The following KANSL1 variants were observed in gnomAD, a reference collection of about 807,000 sequenced individuals.
The protein encoded by KANSL1 is KAT8 regulatory NSL complex subunit 1, also known as MLL1/MLL complex subunit KANSL1.
Under a neutral mutation model 103.6 loss-of-function variants are expected in KANSL1, and 22 were observed. The observed-to-expected ratio is 0.21, with a 90% CI of 0.15 to 0.30. KANSL1 has a LOEUF of 0.30. Among genes scored for constraint, KANSL1 ranks in the 10% least tolerant of loss-of-function variants. The pLI is 1.00. For missense variants in KANSL1, 1,337 were observed against 1,399.8 expected (o/e 0.96, Z 0.72); for synonymous variants, 600 against 527.6 (o/e 1.14, Z -1.88).
chr17:46,169,979 A>G (rs938607741), intron 2 of KANSL1, among the ~76,000 whole-genome samples: 1 of 152,212 alleles, frequency 6.6e-6, no homozygotes. Context: ...TAAGAAAAGA[A>G]AAAAGAAAAA....
intron 1 of KANSL1, among the ~76,000 whole-genome samples, chr17:46,208,755 C>T (rs1466326432): frequency 6.6e-6 from 1 of 151,354 alleles, no homozygotes; most frequent in Admixed American, 6.6e-5. Flanking sequence ...CTCAGCCCAC[C>T]GGAGACAGAG....
chr17:46,196,223 G>A, upstream of KANSL1: 1 of 431,464 alleles, frequency 2.3e-6, no homozygotes, highest in Non-Finnish European at 4.6e-6. Flanking sequence ...GGGCAACAGA[G>A]CGAGACCATC....
chr17:46,179,529 C>T (rs1437603169), intron 1 of KANSL1, among the ~76,000 whole-genome samples: 1 of 152,230 alleles, frequency 6.6e-6, no homozygotes, highest in African/African-American at 2.4e-5. Context: ...GTGGCTTCTA[C>T]TAACCTCTTC....
In KANSL1 at chr17:46,109,715, A is replaced by G. The variant is rs573426347; in HGVS notation, c.1290-15014T>C. 2.6e-5 allele frequency among the ~76,000 whole-genome samples: 4 copies of G among 152,386 alleles called. No individual in the cohort carries two copies. The South Asian group carries it at 8.3e-4, about 32-fold the overall frequency. On this transcript the variant is annotated intron_variant, in intron 2 of 14. Transcript: ENST00000432791. ...TGACATAACATTTTTAAAGTCTAGCATTCCATTATAAGTGCTCAGTAAATG... is the reference window on the plus strand; with the variant it reads ...TGACATAACATTTTTAAAGTCTAGCGTTCCATTATAAGTGCTCAGTAAATG...
intron 7 of KANSL1, chr17:46,041,876 TTTTGTGTGTGTGTGTGTGTGTG>T (rs2077330058): frequency 1.5e-5 from 2 of 129,576 alleles, no homozygotes; most frequent in Non-Finnish European, 3.1e-5. Context: ...TAGAAATTTA[TTTTGTGTGTGTGTGTGTGTGTG>T]TGTGTGTGTG....
intron 6 of KANSL1, among the ~76,000 whole-genome samples, chr17:46,054,891 C>T (rs2077862239): frequency 6.6e-6 from 1 of 150,640 alleles, no homozygotes. Flanking sequence ...CTCGCTGTCG[C>T]CCAGGCTGGA....
intron 2 of KANSL1, among the ~76,000 whole-genome samples, chr17:46,132,687 C>A (rs2043923132): frequency 2.0e-5 from 3 of 152,212 alleles, no homozygotes; most frequent in African/African-American, 7.2e-5. Context: ...GTGGCTCTTG[C>A]CTGCAATCCC....
intron 2 of KANSL1, among the ~76,000 whole-genome samples, chr17:46,134,853 A>G (rs1211776913): frequency 3.9e-5 from 6 of 152,158 alleles, no homozygotes; most frequent in Admixed American, 3.9e-4. Context: ...TCCAAAAAAA[A>G]AAGGGCAGAA....
chr17:46,063,894 CG>C (rs2078269224), intron 6 of KANSL1, among the ~76,000 whole-genome samples: 14 of 138,066 alleles, frequency 1.0e-4, no homozygotes, highest in Non-Finnish European at 1.9e-4. Context: ...CATGAGGTGG[CG>C]GTTTTTTTTT....
chr17:46,040,181 A>G (rs1351862505), intron 7 of KANSL1: 2 of 418,166 alleles, frequency 4.8e-6, no homozygotes, highest in Non-Finnish European at 8.4e-6. Flanking sequence ...ACTGGTTTGA[A>G]AACATCCTGT....
intron 2 of KANSL1, among the ~76,000 whole-genome samples, chr17:46,145,540 A>G (rs893757258): frequency 5.9e-5 from 9 of 152,272 alleles, no homozygotes; most frequent in African/African-American, 1.7e-4. Flanking sequence ...CTCAAGAGCT[A>G]AGCAGCTACT....
At position 46,134,492 on chromosome 17, in the gene KANSL1, A is replaced by C. The variant is rs373971082; in HGVS notation, c.1289+36363T>G. Reference sequence around the variant, plus strand: ...ATAAAGTCTGAACTTCAGAAAGGAGATAGAGCTGACCTGAAAATATAAATT... The same window carrying C: ...ATAAAGTCTGAACTTCAGAAAGGAGCTAGAGCTGACCTGAAAATATAAATT... On this transcript the variant is annotated intron_variant, in intron 2 of 14. Coordinates refer to ENST00000432791, the MANE Select transcript of KANSL1 (RefSeq NM_015443.4). Among the ~76,000 whole-genome samples the C allele has an allele frequency of 3.3e-5, 5 of 152,204 alleles. No individual in the cohort carries two copies. In the East Asian group the frequency reaches 9.6e-4, roughly 29 times the overall value.
intron 2 of KANSL1, among the ~76,000 whole-genome samples, chr17:46,144,989 T>C (rs1389854370): frequency 6.6e-6 from 1 of 151,816 alleles, no homozygotes; most frequent in Non-Finnish European, 1.5e-5. Context: ...CTAAACTGGG[T>C]TTCTGATTCT....
intron 1 of KANSL1, among the ~76,000 whole-genome samples, chr17:46,173,396 G>A (rs2046376442): frequency 6.6e-6 from 1 of 152,202 alleles, no homozygotes; most frequent in African/African-American, 2.4e-5. Flanking sequence ...CTTAAGTAAT[G>A]ACACTGCTTT....
At chr17:46,069,890 C>T (rs533592469) in intron 4 of KANSL1, among the ~76,000 whole-genome samples, 3 of 151,762 alleles carry the variant, frequency 2.0e-5, no homozygotes, top group South Asian at 2.1e-4. Context: ...GAGTGAACAC[C>T]GAGAAAAGGC....
intron 2 of KANSL1, among the ~76,000 whole-genome samples, chr17:46,157,517 G>C (rs1224085154): frequency 6.6e-6 from 1 of 152,198 alleles, no homozygotes; most frequent in Non-Finnish European, 1.5e-5. Flanking sequence ...TCAATGTCTT[G>C]AATGTACAAT....
At chr17:46,073,293 T>C (rs760399237) in intron 4 of KANSL1, among the ~76,000 whole-genome samples, 5 of 152,194 alleles carry the variant, frequency 3.3e-5, no homozygotes, top group African/African-American at 4.8e-5. Context: ...TTCTGTAAAG[T>C]AGGATGAGCA....
intron 1 of KANSL1, among the ~76,000 whole-genome samples, chr17:46,174,590 G>A (rs2147776337): frequency 6.6e-6 from 1 of 152,360 alleles, no homozygotes; most frequent in Non-Finnish European, 1.5e-5. Flanking sequence ...TGGAAGATCT[G>A]CATAACCCAG....
At chr17:46,124,714 A>T (rs1180339552) in intron 2 of KANSL1, among the ~76,000 whole-genome samples, 1 of 152,042 alleles carries the variant, frequency 6.6e-6, no homozygotes, top group Non-Finnish European at 1.5e-5. Flanking sequence ...GAAGAAGTTG[A>T]CTCCGACTCT....
Sources: allele counts gnomAD v4.1 joint callset (sites outside exome capture counted in the v4.1 genomes callset), GRCh38; gene constraint gnomAD v4.1.1; transcripts MANE v1.5; gene names NCBI Gene and HGNC (gene_info 2026-07-23, HGNC 2026-07-21).